IFT74: variants seen among roughly 807,000 people sequenced by gnomAD.
IFT74 encodes intraflagellar transport protein 74 homolog.
In IFT74, 92 loss-of-function variants were observed where a neutral mutation model predicts 96.7. That is an observed-to-expected ratio of 0.95 (90% CI 0.80 to 1.13). The LOEUF (loss-of-function observed/expected upper bound fraction) is 1.13. Among genes scored for constraint, IFT74 ranks in the 50% most tolerant of loss-of-function variants. The probability of loss-of-function intolerance (pLI) is 0.00; values close to 1 mark genes in which losing one functional copy is unlikely to be tolerated. For synonymous variants in IFT74, 223 were observed against 213.2 expected (o/e 1.05, Z -0.40); for missense variants, 811 against 698.2 (o/e 1.16, Z -1.82).
At chr9:27,017,591 A>T (rs1048290621) in intron 11 of IFT74, among the ~76,000 whole-genome samples, 4 of 152,066 alleles carry the variant, frequency 2.6e-5, no homozygotes, top group Non-Finnish European at 4.4e-5. Flanking sequence ...ACTCTTCTTT[A>T]TTGGTCATTA....
At chr9:27,060,558 G>T in intron 18 of IFT74, 33 bp from the exon 19 acceptor site, 1 of 1,433,024 alleles carries the variant, frequency 7.0e-7, no homozygotes, top group Non-Finnish European at 9.7e-7. Flanking sequence ...TTAAATATGG[G>T]TCCTAATTAA....
At chr9:27,041,944 G>T (rs1744610546) in intron 13 of IFT74, among the ~76,000 whole-genome samples, 1 of 152,156 alleles carries the variant, frequency 6.6e-6, no homozygotes, top group African/African-American at 2.4e-5. Flanking sequence ...CTGGCCAGCT[G>T]TACAGCTGTA....
intron 8 of IFT74, among the ~76,000 whole-genome samples, chr9:27,007,485 C>T (rs2131597845): frequency 6.6e-6 from 1 of 152,278 alleles, no homozygotes; most frequent in East Asian, 1.9e-4. Context: ...CAAATTGTAG[C>T]AGCAGGAAAC....
chr9:26,948,448 A>ATTATTATTATTATT (rs1825819541), intron 1 of IFT74, among the ~76,000 whole-genome samples: 2 of 59,160 alleles, frequency 3.4e-5, no homozygotes, highest in Non-Finnish European at 3.8e-5. Context: ...GCTTTCCATT[A>ATTATTATTATTATT]TTTTTTTTTT....
chr9:26,954,656 A>G (rs1351808000), upstream of IFT74, among the ~76,000 whole-genome samples: 1 of 151,284 alleles, frequency 6.6e-6, no homozygotes, highest in Admixed American at 6.6e-5. Context: ...TTGGGTTAAG[A>G]CCTGAATGAT....
chr9:27,028,350 T>C (rs1397788741), intron 12 of IFT74, among the ~76,000 whole-genome samples: 1 of 152,248 alleles, frequency 6.6e-6, no homozygotes, highest in Non-Finnish European at 1.5e-5. Flanking sequence ...TTAAATATTT[T>C]TCATTTTCTT....
chr9:26,948,775 T>C (rs906173200), intron 1 of IFT74, among the ~76,000 whole-genome samples: 3 of 152,144 alleles, frequency 2.0e-5, no homozygotes, highest in Admixed American at 2.0e-4. Flanking sequence ...CTTTCCATTC[T>C]TATAGTACAG....
intron 2 of IFT74, among the ~76,000 whole-genome samples, chr9:26,974,560 A>T (rs1490251534): frequency 6.6e-6 from 1 of 151,984 alleles, no homozygotes; most frequent in Non-Finnish European, 1.5e-5. Flanking sequence ...TTTCCCTTAG[A>T]TCTTCCATGT....
In IFT74 at chr9:27,065,760, G is replaced by T. The variant is rs908179328; in HGVS notation, c.*3024G>T. 4.6e-5 allele frequency among the ~76,000 whole-genome samples: 7 copies of T among 152,074 alleles called. No individual in the cohort carries two copies. Among genetic ancestry groups the T allele is most frequent in the African/African-American group, 1.7e-4 (7 of 41,394 alleles). ...TTTCCTTTTGCTATACAATTGCAGT[G>T]TAAACAACCTTAGGGAAATTATAAT... is the stretch of plus-strand genomic sequence containing the variant. On this transcript the variant is annotated 3_prime_UTR_variant, in exon 20 of 20. Transcript: ENST00000380062.
chr9:26,967,111 AT>A (rs1232590384), intron 2 of IFT74, among the ~76,000 whole-genome samples: 1 of 142,128 alleles, frequency 7.0e-6, no homozygotes, highest in Non-Finnish European at 1.5e-5. Context: ...AAATTTTAGG[AT>A]TTTTTTTTCT....
Position 26,988,831 on chromosome 9 carries a change from G to A in IFT74, c.525+103G>A, listed in dbSNP as rs1225627961. On this transcript the variant is annotated intron_variant, in intron 7 of 19. Transcript: ENST00000380062. ...TTGATAAAACCTTAAGTGCTATAGA[G>A]GTGAATATTACTCTGATTGTAAATA... 11 of 1,069,608 alleles carry A rather than the reference G, an allele frequency of 1.0e-5. No homozygotes were observed. In the East Asian group the frequency reaches 2.9e-4, roughly 28 times the overall value. 66.3% of individuals were successfully genotyped at this position (1,069,608 alleles called of 1,614,324 possible).
At chr9:26,990,877 G>T (rs1488360477) in intron 8 of IFT74, among the ~76,000 whole-genome samples, 1 of 152,080 alleles carries the variant, frequency 6.6e-6, no homozygotes, top group Non-Finnish European at 1.5e-5. Context: ...AACTTGTGTT[G>T]GTTCTAAGGT....
chr9:27,039,353 G>C, intron 13 of IFT74, among the ~76,000 whole-genome samples: 1 of 152,144 alleles, frequency 6.6e-6, no homozygotes, highest in Non-Finnish European at 1.5e-5. Context: ...GTTTTGATGC[G>C]TCTTAATGTA....
chr9:26,978,147 G>A lies in IFT74; in HGVS notation c.140G>A (p.Arg47Lys), dbSNP rs1827204091. Reference protein sequence around the residue: ...VATAMPPGTARPGSRGCPIGT... With the variant: ...VATAMPPGTAKPGSRGCPIGT... The stretch of plus-strand genomic sequence containing the variant: ...ATTTAGATGCCACCTGGGACAGCAA[G>A]ACCAGGTTCTCGTGGTTGTCCCATA... The change falls in exon 3 of 20, where the codon AGA becomes AAA. Residue 47 changes from arginine to lysine, a missense_variant. Transcript: ENST00000380062. The A allele has an allele frequency of 1.2e-6, 2 of 1,604,582 alleles. No individual in the cohort carries two copies. The highest frequency in any genetic ancestry group is 4.5e-5 in the East Asian group (2 of 44,230).
chr9:26,978,258 C>G lies in IFT74; in HGVS notation c.251C>G (p.Thr84Arg), dbSNP rs370238286. The G allele has an allele frequency of 6.2e-7, 1 of 1,612,074 alleles. No homozygotes were observed. Among genetic ancestry groups the G allele is most frequent in the Admixed American group, 1.7e-5 (1 of 59,440 alleles). ...QQGLTGMKTG[T>R]KGPQRQILDK... ...GGTTTGACTGGAATGAAAACTGGGACGAAAGGTACCTATTTTAAGATAAGT... is the reference window on the plus strand; with the variant it reads ...GGTTTGACTGGAATGAAAACTGGGAGGAAAGGTACCTATTTTAAGATAAGT... The change falls in exon 3 of 20, where the codon ACG (threonine) becomes AGG (arginine). Residue 84 changes from threonine (T) to arginine (R), a missense_variant. Coordinates refer to ENST00000380062, the MANE Select transcript of IFT74 (RefSeq NM_025103.4).
chr9:27,027,290 T>G (rs574748540), intron 12 of IFT74, among the ~76,000 whole-genome samples: 1 of 152,026 alleles, frequency 6.6e-6, no homozygotes, highest in East Asian at 1.9e-4. Flanking sequence ...GAACAGACCA[T>G]TAACGAGCAG....
intron 9 of IFT74, 32 bp from the exon 10 acceptor site, chr9:27,011,874 G>C (rs756409244): frequency 7.0e-7 from 1 of 1,430,348 alleles, no homozygotes; most frequent in African/African-American, 1.5e-5. Context: ...AATGTAATTT[G>C]GATTTATGTT....
chr9:27,011,829 C>G, intron 9 of IFT74, 77 bp from the exon 10 acceptor site: 2 of 861,522 alleles, frequency 2.3e-6, no homozygotes, highest in Non-Finnish European at 3.3e-6. Context: ...ATTTTTTTTC[C>G]CAGCTCCCTC....
rs1828101692 is a variant in IFT74, at chr9:26,995,562, C to A, written c.587+5367C>A. ...AATTCATGGATATCTATATATTTGT[C>A]TTCAATAAATCCATCATCATCTACC... On this transcript the variant is annotated intron_variant, in intron 8 of 19. Coordinates refer to ENST00000380062, the MANE Select transcript of IFT74 (RefSeq NM_025103.4). 2.5e-6 allele frequency: 4 copies of A among 1,596,566 alleles called. No individual in the cohort carries two copies. In the East Asian group the frequency reaches 8.9e-5, roughly 36 times the overall value.
Sources: allele counts gnomAD v4.1 joint callset (sites outside exome capture counted in the v4.1 genomes callset), GRCh38; gene constraint gnomAD v4.1.1; transcripts MANE v1.5; gene names NCBI Gene and HGNC (gene_info 2026-07-23, HGNC 2026-07-21).